The following MAP4K4 variants were observed in gnomAD, a reference collection of about 807,000 sequenced individuals.
MAP4K4 encodes HPK/GCK-like kinase HGK.
A neutral mutation model predicts 189.6 loss-of-function variants in MAP4K4; 38 were observed. The ratio of observed to expected loss-of-function variants is 0.20; its 90% confidence interval spans 0.15 to 0.26. MAP4K4 has a LOEUF of 0.26. Ranked by LOEUF, MAP4K4 falls within the 10% of genes least tolerant of loss-of-function variation. MAP4K4 has a pLI of 1.00. For missense variants in MAP4K4, 1,054 were observed against 1,726.9 expected, an observed-to-expected ratio of 0.61 and a Z score of 6.91; for synonymous variants, 610 against 624.3, an observed-to-expected ratio of 0.98 and a Z score of 0.34.
chr2:101,862,866 T>C (rs1322588239), intron 16 of MAP4K4, among the ~76,000 whole-genome samples: 2 of 152,232 alleles, frequency 1.3e-5, no homozygotes, highest in African/African-American at 4.8e-5. Flanking sequence ...TTTCACATCT[T>C]GTATTTGGAA....
intron 12 of MAP4K4, among the ~76,000 whole-genome samples, chr2:101,845,449 G>A (rs2097073152): frequency 6.6e-6 from 1 of 152,118 alleles, no homozygotes; most frequent in Non-Finnish European, 1.5e-5. Flanking sequence ...TAGGTGATCC[G>A]TCATTGTGGG....
intron 11 of MAP4K4, among the ~76,000 whole-genome samples, chr2:101,843,049 C>T (rs2096969317): frequency 6.6e-6 from 1 of 152,118 alleles, no homozygotes; most frequent in African/African-American, 2.4e-5. Context: ...AAGAATTGTC[C>T]CGCCCATGGA....
In MAP4K4 at chr2:101,843,206, A is replaced by G. The variant is rs151324440; in HGVS notation, c.1022+525A>G. 1.5e-4 allele frequency among the ~76,000 whole-genome samples: 23 copies of G among 152,200 alleles called. No individual in the cohort carries two copies. The East Asian group carries it at 4.5e-3, about 29-fold the overall frequency. On this transcript the variant is annotated intron_variant, in intron 11 of 32. Transcript: ENST00000324219. ...TAACTGATGAATCAGAGAATAGAGG[A>G]TTTTTGGATTGTGATGTTGGGTGTG...
chr2:101,739,676 A>G (rs1388275057), intron 2 of MAP4K4, among the ~76,000 whole-genome samples: 1 of 152,216 alleles, frequency 6.6e-6, no homozygotes, highest in Non-Finnish European at 1.5e-5. Context: ...TGTTTCCTTT[A>G]CAACTGGTAG....
chr2:101,869,759 T>C lies in MAP4K4; in HGVS notation c.2601T>C (p.Ala867=), dbSNP rs2097924010. ...ACGACGATGTGGAGCAGGAAGGGGC[T>C]GACGAGTCCACCTCAGGACCAGAGG... is the stretch of plus-strand genomic sequence containing the variant. Residue 867 remains alanine (A), a synonymous_variant, in exon 22 of 33, where the codon GCT becomes GCC. Coordinates refer to ENST00000324219, the Ensembl canonical transcript of MAP4K4. 1.9e-6 allele frequency: 3 copies of C among 1,585,536 alleles called. No individual in the cohort carries two copies. The East Asian group carries it at 6.9e-5, about 36-fold the overall frequency.
At position 101,746,289 on chromosome 2, in the gene MAP4K4, GA is replaced by G. The variant is rs869089290; in HGVS notation, c.124-44430del. Among the ~76,000 whole-genome samples the G allele has an allele frequency of 2.8e-5, 4 of 142,792 alleles. No individual in the cohort carries two copies. In the East Asian group the frequency reaches 6.0e-4, roughly 21 times the overall value. The allele number at this position is 142,792 out of a possible 152,430, so 93.7% of individuals were successfully genotyped here. A position where few individuals can be genotyped will look rare whatever the true frequency, so the allele number is the denominator to read the frequency against. The stretch of plus-strand genomic sequence containing the variant: ...AGTGTGAGCCACTGTGCCTGGCCCT[GA>G]TTTTTTTTTTTTTTTTTAATGTAAG... On this transcript the variant is annotated intron_variant, in intron 2 of 32. Transcript: ENST00000324219.
At chr2:101,769,343 C>T (rs2080193398) in intron 2 of MAP4K4, among the ~76,000 whole-genome samples, 1 of 152,134 alleles carries the variant, frequency 6.6e-6, no homozygotes, top group African/African-American at 2.4e-5. Context: ...TCCCTGGCCT[C>T]CTGGTGCTTA....
intron 2 of MAP4K4, among the ~76,000 whole-genome samples, chr2:101,734,946 C>T (rs1485663491): frequency 6.6e-6 from 1 of 152,124 alleles, no homozygotes; most frequent in Non-Finnish European, 1.5e-5. Flanking sequence ...GTCAAAGGGG[C>T]TAGGCCCAGT....
chr2:101,822,232 T>C (rs2096105687), intron 3 of MAP4K4, among the ~76,000 whole-genome samples: 2 of 152,244 alleles, frequency 1.3e-5, no homozygotes, highest in African/African-American at 4.8e-5. Flanking sequence ...TGCAATAATT[T>C]TATACAGCTG....
intron 2 of MAP4K4, among the ~76,000 whole-genome samples, chr2:101,788,227 A>G (rs2092052514): frequency 6.6e-6 from 1 of 152,164 alleles, no homozygotes; most frequent in Non-Finnish European, 1.5e-5. Context: ...ATTGCAGTCT[A>G]CAAGGAGAAA....
intron 2 of MAP4K4, among the ~76,000 whole-genome samples, chr2:101,739,850 G>T (rs1309222596): frequency 1.3e-5 from 2 of 152,112 alleles, no homozygotes; most frequent in Non-Finnish European, 2.9e-5. Context: ...AATGGCTTCT[G>T]TCTGTTAACC....
intron 2 of MAP4K4, among the ~76,000 whole-genome samples, chr2:101,708,562 T>G (rs1170567146): frequency 6.6e-6 from 1 of 152,162 alleles, no homozygotes; most frequent in African/African-American, 2.4e-5. Flanking sequence ...TGAACAAACC[T>G]TTGAGAGATA....
exon 33 of MAP4K4, chr2:101,894,034 C>G (rs2098599300): frequency 6.6e-6 from 1 of 152,302 alleles, no homozygotes; most frequent in Admixed American, 6.5e-5. Flanking sequence ...TAGCTTGATG[C>G]AGGGACCCAG....
At chr2:101,714,459 G>T (rs2047352279) in intron 2 of MAP4K4, among the ~76,000 whole-genome samples, 1 of 151,822 alleles carries the variant, frequency 6.6e-6, no homozygotes, top group Admixed American at 6.6e-5. Flanking sequence ...TGACAAAAAC[G>T]GCTAGAAGAC....
chr2:101,775,085 G>A (rs949624209), intron 2 of MAP4K4, among the ~76,000 whole-genome samples: 2 of 144,738 alleles, frequency 1.4e-5, no homozygotes, highest in Non-Finnish European at 3.0e-5. Context: ...GTAGGCATTC[G>A]TGGATTTTGT....
chr2:101,824,200 G>T, intron 4 of MAP4K4, 147 bp downstream of exon 4: 1 of 745,910 alleles, frequency 1.3e-6, no homozygotes. Flanking sequence ...AGGCTTCCTT[G>T]GCTTGTATCT....
At chr2:101,858,940 G>T (rs2097556400) in intron 13 of MAP4K4, 56 bp from the exon 14 acceptor site, 7 of 1,318,734 alleles carry the variant, frequency 5.3e-6, no homozygotes. Flanking sequence ...CCATTCAGGT[G>T]GTTCTGATGC....
At chr2:101,751,083 T>C (rs1243919075) in intron 2 of MAP4K4, among the ~76,000 whole-genome samples, 1 of 152,214 alleles carries the variant, frequency 6.6e-6, no homozygotes, top group Non-Finnish European at 1.5e-5. Flanking sequence ...TATGTGCCGC[T>C]TCCATCCCTC....
chr2:101,747,061 C>T (rs1260031066), intron 2 of MAP4K4, among the ~76,000 whole-genome samples: 1 of 152,064 alleles, frequency 6.6e-6, no homozygotes, highest in African/African-American at 2.4e-5. Context: ...AGGACAAGAC[C>T]AGGAGAGACA....
Sources: gnomAD v4.1 joint callset for allele counts (sites outside exome capture counted in the v4.1 genomes callset) on GRCh38, gnomAD v4.1.1 for gene constraint, MANE v1.5 for transcripts, NCBI Gene and HGNC (gene_info 2026-07-23, HGNC 2026-07-21) for gene names.